PDE4D: variants seen among roughly 807,000 people sequenced by gnomAD.
The protein encoded by PDE4D is 3',5'-cyclic-AMP phosphodiesterase 4D.
Under a neutral mutation model 87.4 loss-of-function variants are expected in PDE4D, and 24 were observed. The ratio of observed to expected loss-of-function variants is 0.27; its 90% CI spans 0.20 to 0.39. The LOEUF (loss-of-function observed/expected upper bound fraction) is 0.39. Among genes scored for constraint, PDE4D ranks in the 10% least tolerant of loss-of-function variants. The pLI, the probability that PDE4D is intolerant of heterozygous loss-of-function variation, is 1.00. For synonymous variants in PDE4D, 384 were observed against 383.2 expected, an observed-to-expected ratio of 1.00 and a Z score of -0.02; for missense variants, 714 against 1,041.0, an observed-to-expected ratio of 0.69 and a Z score of 4.32.
Position 58,993,426 on chromosome 5 carries a change from C to G in PDE4D, c.961G>C (p.Glu321Gln). ...MLNRELTHLS[E>Q]MSRSGNQVSE... Reference sequence around the variant, plus strand: ...ACTTGATTTCCAGACCGACTCATTTCAGAGAGATGGGTGAGCTCCCGATTA... The same window carrying G: ...ACTTGATTTCCAGACCGACTCATTTGAGAGAGATGGGTGAGCTCCCGATTA... The change falls in exon 7 of 15, where the codon GAA becomes CAA. Residue 321 changes from glutamate (E) to glutamine (Q), a missense_variant. Physicochemically the swap from Glu to Gln is conservative, Grantham distance 29. Around this residue, in one of 7 missense-constraint regions of PDE4D, gnomAD observed 90 missense variants for 177.6 expected, o/e 0.51. Transcript: ENST00000340635. 6.2e-7 allele frequency: 1 copy of G among 1,601,366 alleles called. No individual in the cohort carries two copies. The highest frequency in any genetic ancestry group is 1.3e-5 in the African/African-American group (1 of 74,158).
intron 1 of PDE4D, among the ~76,000 whole-genome samples, chr5:60,467,231 G>T (rs949113071): frequency 1.3e-5 from 2 of 151,958 alleles, no homozygotes; most frequent in Admixed American, 6.6e-5. Context: ...GTAGAGACGG[G>T]GTTTCACCAT....
At chr5:59,890,914 G>C (rs1002959099) in intron 1 of PDE4D, among the ~76,000 whole-genome samples, 1 of 152,188 alleles carries the variant, frequency 6.6e-6, no homozygotes, top group Non-Finnish European at 1.5e-5. Flanking sequence ...TATTGTTGCT[G>C]TTCTCTTTAA....
At chr5:59,638,404 G>T (rs1451010675) in intron 1 of PDE4D, among the ~76,000 whole-genome samples, 19 of 152,116 alleles carry the variant, frequency 1.2e-4, no homozygotes, top group Admixed American at 1.2e-3. Context: ...AGGGGAAAAA[G>T]AAAAGGTGAC....
chr5:59,400,739 A>G (rs1582400230), intron 1 of PDE4D, among the ~76,000 whole-genome samples: 1 of 147,244 alleles, frequency 6.8e-6, no homozygotes, highest in Non-Finnish European at 1.5e-5. Context: ...ATAATAATAA[A>G]AAAAATAAAA....
At chr5:59,389,210 T>C (rs945939303) in intron 1 of PDE4D, among the ~76,000 whole-genome samples, 2 of 152,040 alleles carry the variant, frequency 1.3e-5, no homozygotes, top group Non-Finnish European at 1.5e-5. Context: ...AAGAATTCTG[T>C]CTCCTTTTTC....
intron 2 of PDE4D, among the ~76,000 whole-genome samples, chr5:59,198,192 G>A (rs565612663): frequency 3.3e-5 from 5 of 152,210 alleles, no homozygotes; most frequent in African/African-American, 4.8e-5. Flanking sequence ...GCTGTGATCT[G>A]TTTTAAGGAA....
chr5:60,299,756 A>T (rs183009147), intron 1 of PDE4D, among the ~76,000 whole-genome samples: 1 of 152,202 alleles, frequency 6.6e-6, no homozygotes, highest in African/African-American at 2.4e-5. Flanking sequence ...GCTGCATAGC[A>T]TTCCATGGTG....
chr5:59,986,035 C>A (rs981778584), intron 3 of PDE4D, among the ~76,000 whole-genome samples: 7 of 152,214 alleles, frequency 4.6e-5, no homozygotes, highest in East Asian at 1.9e-4. Flanking sequence ...CAATTCGGAA[C>A]CCTGAAGTTC....
intron 1 of PDE4D, among the ~76,000 whole-genome samples, chr5:60,239,913 T>C (rs1157245049): frequency 6.6e-6 from 1 of 152,100 alleles, no homozygotes; most frequent in East Asian, 1.9e-4. Flanking sequence ...ATCTACCTTT[T>C]ATTTATTTCT....
intron 1 of PDE4D, among the ~76,000 whole-genome samples, chr5:60,472,738 T>C (rs1484470252): frequency 6.6e-6 from 1 of 152,198 alleles, no homozygotes; most frequent in East Asian, 1.9e-4. Context: ...TTTTCAACTT[T>C]GTGATGCTGC....
chr5:59,836,317 A>G (rs1288940129), intron 1 of PDE4D, among the ~76,000 whole-genome samples: 1 of 152,032 alleles, frequency 6.6e-6, no homozygotes, highest in African/African-American at 2.4e-5. Context: ...ACTTATCTGT[A>G]TCTCTAATTT....
chr5:60,459,382 T>G (rs1391227971), intron 1 of PDE4D, among the ~76,000 whole-genome samples: 1 of 152,152 alleles, frequency 6.6e-6, no homozygotes, highest in Non-Finnish European at 1.5e-5. Context: ...CCCATTTTGT[T>G]TTTTAGTTTT....
intron 1 of PDE4D, among the ~76,000 whole-genome samples, chr5:59,374,838 G>A (rs1160154551): frequency 6.6e-6 from 1 of 152,124 alleles, no homozygotes; most frequent in Non-Finnish European, 1.5e-5. Context: ...TCAGACCAGA[G>A]TGCAATCAAA....
At chr5:58,976,028 A>C (rs1743668715) in intron 13 of PDE4D, among the ~76,000 whole-genome samples, 189 bp from the exon 14 acceptor site, 1 of 152,178 alleles carries the variant, frequency 6.6e-6, no homozygotes, top group Non-Finnish European at 1.5e-5. Flanking sequence ...GTTCCAAATT[A>C]TGCCACTTCT....
At chr5:59,540,613 G>A (rs1163263551) in intron 1 of PDE4D, among the ~76,000 whole-genome samples, 2 of 152,108 alleles carry the variant, frequency 1.3e-5, no homozygotes, top group African/African-American at 4.8e-5. Flanking sequence ...CCCACACACA[G>A]GCTCATTCCA....
intron 3 of PDE4D, among the ~76,000 whole-genome samples, chr5:59,931,787 C>T (rs573784951): frequency 1.9e-4 from 28 of 151,248 alleles, no homozygotes; most frequent in South Asian, 8.4e-4. Context: ...CTGCAAGCTC[C>T]GCCTCCCAGG....
chr5:59,694,516 CAT>C (rs1276234197), intron 1 of PDE4D, among the ~76,000 whole-genome samples: 3 of 152,124 alleles, frequency 2.0e-5, no homozygotes, highest in Non-Finnish European at 4.4e-5. Context: ...ACGGTGGAGA[CAT>C]CAAATGCTAC....
chr5:60,058,161 GT>G (rs1770990578), intron 2 of PDE4D, among the ~76,000 whole-genome samples: 1 of 151,920 alleles, frequency 6.6e-6, no homozygotes. Context: ...TATAACTTAA[GT>G]TTTGAGCATT....
intron 1 of PDE4D, among the ~76,000 whole-genome samples, chr5:60,503,160 G>A (rs959644821): frequency 3.0e-4 from 45 of 152,080 alleles, no homozygotes; most frequent in African/African-American, 9.9e-4. Context: ...TAACCATCAC[G>A]AATAAAAATG....
Sources: gnomAD v4.1 joint callset for allele counts (sites outside exome capture counted in the v4.1 genomes callset) on GRCh38, gnomAD v4.1.1 for gene constraint, gnomAD v4.1.1 regional missense constraint, MANE v1.5 for transcripts, NCBI Gene and HGNC (gene_info 2026-07-23, HGNC 2026-07-21) for gene names.